The following TBXAS1 variants were observed in gnomAD, a reference collection of about 807,000 sequenced individuals.
The protein encoded by TBXAS1 is thromboxane A synthase 1.
A neutral mutation model predicts 60.7 loss-of-function variants in TBXAS1; 48 were observed. The ratio of observed to expected loss-of-function variants is 0.79; its 90% confidence interval spans 0.63 to 1.01. TBXAS1 has a LOEUF of 1.01. Ranked by LOEUF, TBXAS1 falls within the 50% of genes least tolerant of loss-of-function variation. The probability of loss-of-function intolerance (pLI) is 0.00; values close to 1 mark genes in which losing one functional copy is unlikely to be tolerated. For synonymous variants in TBXAS1, 287 were observed against 269.7 expected (o/e 1.06, Z -0.63); for missense variants, 685 against 686.3 (o/e 1.00, Z 0.02).
intron 1 of TBXAS1, among the ~76,000 whole-genome samples, chr7:139,869,260 G>T (rs1462001841): frequency 2.0e-5 from 3 of 152,138 alleles, no homozygotes; most frequent in African/African-American, 7.2e-5. Flanking sequence ...GCTTGCAGTG[G>T]CCTGACACCA....
At chr7:140,000,286 G>A (rs1813579201) in intron 9 of TBXAS1, among the ~76,000 whole-genome samples, 1 of 152,160 alleles carries the variant, frequency 6.6e-6, no homozygotes, top group African/African-American at 2.4e-5. Context: ...GATCACTGGA[G>A]TCCAGGAGTT....
At chr7:139,983,379 A>G (rs1812099612) in intron 9 of TBXAS1, among the ~76,000 whole-genome samples, 1 of 152,216 alleles carries the variant, frequency 6.6e-6, no homozygotes, top group Admixed American at 6.5e-5. Flanking sequence ...TCCCTAATCT[A>G]TGAAGTCGGT....
chr7:140,007,196 C>G lies in TBXAS1; in HGVS notation c.1226+14C>G, dbSNP rs1814154229. On this transcript the variant is annotated intron_variant, in intron 10 of 12. Coordinates refer to ENST00000448866, the MANE Select transcript of TBXAS1 (RefSeq NM_001061.7). The stretch of plus-strand genomic sequence containing the variant: ...GCCAGCTTTCAGGTGTGTGGTAGCC[C>G]CCTCCCCTGCCCGAGTCCCCACCTC... 1 of 1,613,454 alleles carries G rather than the reference C, an allele frequency of 6.2e-7. No homozygotes were observed.
At chr7:139,807,718 G>A (rs759803900) in intron 4 of TBXAS1, among the ~76,000 whole-genome samples, 1 of 151,876 alleles carries the variant, frequency 6.6e-6, no homozygotes, top group Admixed American at 6.6e-5. Context: ...GGGTCTTGTT[G>A]TGTTGCCCAG....
intron 5 of TBXAS1, among the ~76,000 whole-genome samples, chr7:139,949,436 A>C (rs1809025010): frequency 6.6e-6 from 1 of 152,240 alleles, no homozygotes; most frequent in South Asian, 2.1e-4. Flanking sequence ...TTGTACCACT[A>C]AACTTATTAA....
intron 1 of TBXAS1, among the ~76,000 whole-genome samples, chr7:139,853,166 G>A (rs1355512106): frequency 1.3e-5 from 2 of 152,152 alleles, no homozygotes; most frequent in Non-Finnish European, 2.9e-5. Flanking sequence ...TTGACTTAGT[G>A]GCTAATCTGA....
chr7:139,987,155 C>T (rs955480844), intron 9 of TBXAS1, among the ~76,000 whole-genome samples: 1 of 152,124 alleles, frequency 6.6e-6, no homozygotes, highest in Non-Finnish European at 1.5e-5. Flanking sequence ...ATGCCTGGGG[C>T]TCCCCACGGA....
intron 1 of TBXAS1, among the ~76,000 whole-genome samples, chr7:139,857,683 G>C (rs1372403654): frequency 6.6e-6 from 1 of 151,906 alleles, no homozygotes. Context: ...CACTTTCCCA[G>C]GGTCAGAATC....
chr7:139,885,571 G>C (rs1803028522), intron 3 of TBXAS1, among the ~76,000 whole-genome samples: 1 of 152,114 alleles, frequency 6.6e-6, no homozygotes, highest in Admixed American at 6.5e-5. Context: ...AATTCTTAGG[G>C]CTCTTCACTC....
intron 5 of TBXAS1, among the ~76,000 whole-genome samples, chr7:139,942,064 G>C (rs377608644): frequency 1.3e-5 from 2 of 152,158 alleles, no homozygotes; most frequent in East Asian, 3.8e-4. Flanking sequence ...GATTGCATAA[G>C]TCAGCACAAA....
At position 140,004,486 on chromosome 7, in the gene TBXAS1, A is replaced by G. The variant is rs1813908641; in HGVS notation, c.1135-2605A>G. Among the ~76,000 whole-genome samples, 1 of 152,252 alleles carries G rather than the reference A, an allele frequency of 6.6e-6. No homozygotes were observed. Among genetic ancestry groups the G allele is most frequent in the Admixed American group, 6.5e-5 (1 of 15,290 alleles). The stretch of plus-strand genomic sequence containing the variant: ...TATGCAGAACCACTGAAATTACACA[A>G]TTGGTGTTTGTGACTTGTTGGCCAG... On this transcript the variant is annotated intron_variant, in intron 9 of 12. Transcript: ENST00000448866. This position sits in a 1 kb window ranked among gnomAD's most constrained non-coding sequence, Gnocchi z 5.1.
intron 9 of TBXAS1, among the ~76,000 whole-genome samples, chr7:140,005,481 G>A (rs1055596433): frequency 2.0e-5 from 3 of 152,060 alleles, no homozygotes; most frequent in African/African-American, 4.8e-5. Context: ...TCAAGACAGC[G>A]CCACAGAGGA....
At position 140,015,742 on chromosome 7, in the gene TBXAS1, C is replaced by G. The variant is rs4528; in HGVS notation, c.1246C>G (p.Gln416Glu). 1.5e-3 allele frequency: 2,443 copies of G among 1,613,464 alleles called. 44 individuals are homozygous for G. The African/African-American group carries it at 0.029, about 19-fold the overall frequency. The change falls in exon 11 of 13, where the codon CAG (glutamine) becomes GAG (glutamate). Residue 416 changes from glutamine to glutamate, a missense_variant. By Grantham distance (29) the Gln-to-Glu change is conservative. Transcript: ENST00000448866. ...PAFRFTREAA[Q>E]DCEVLGQRIP... ...CCTCAGATTCACACGGGAGGCAGCT[C>G]AGGACTGCGAGGTGCTGGGGCAGCG...
intron 4 of TBXAS1, among the ~76,000 whole-genome samples, chr7:139,914,365 G>A (rs535624120): frequency 2.0e-5 from 3 of 152,118 alleles, no homozygotes; most frequent in South Asian, 2.1e-4. Flanking sequence ...AAGAGCTGGG[G>A]CAGCTCTTTT....
At chr7:139,848,316 G>A (rs942886133) in intron 1 of TBXAS1, among the ~76,000 whole-genome samples, 13 of 152,004 alleles carry the variant, frequency 8.6e-5, no homozygotes, top group African/African-American at 3.1e-4. Flanking sequence ...TTAATTTTGG[G>A]TATATGTCAA....
intron 5 of TBXAS1, among the ~76,000 whole-genome samples, chr7:139,950,171 T>G (rs1246363762): frequency 1.3e-5 from 2 of 151,520 alleles, no homozygotes; most frequent in East Asian, 3.9e-4. Flanking sequence ...TAGCTGGGAT[T>G]ACAGGTGCCT....
chr7:139,915,553 C>G (rs1293293892), intron 4 of TBXAS1, among the ~76,000 whole-genome samples: 1 of 152,178 alleles, frequency 6.6e-6, no homozygotes, highest in Non-Finnish European at 1.5e-5. Flanking sequence ...TGTCTGCTCA[C>G]AAATTCAGGC....
At chr7:139,931,028 A>C (rs957614818) in intron 4 of TBXAS1, among the ~76,000 whole-genome samples, 1 of 151,986 alleles carries the variant, frequency 6.6e-6, no homozygotes, top group Non-Finnish European at 1.5e-5. Context: ...ACACATTCAC[A>C]TTTTGATACA....
At chr7:139,989,499 A>G (rs540504807) in intron 9 of TBXAS1, among the ~76,000 whole-genome samples, 1 of 152,246 alleles carries the variant, frequency 6.6e-6, no homozygotes, top group South Asian at 2.1e-4. Context: ...CTCCTTCCCA[A>G]GGGGCTGCCC....
Sources: gnomAD v4.1 joint callset for allele counts (sites outside exome capture counted in the v4.1 genomes callset) on GRCh38, gnomAD v4.1.1 for gene constraint, Gnocchi (gnomAD v3.1) non-coding constraint, MANE v1.5 for transcripts, NCBI Gene and HGNC (gene_info 2026-07-23, HGNC 2026-07-21) for gene names.